PLEKHH2: variants seen among roughly 807,000 people sequenced by gnomAD.
The protein encoded by PLEKHH2 is pleckstrin homology domain-containing family H member 2.
A neutral mutation model predicts 187.9 loss-of-function variants in PLEKHH2; 129 were observed. That is an observed-to-expected ratio of 0.69 (90% CI 0.59 to 0.79). The LOEUF is 0.79. Ranked by LOEUF, PLEKHH2 falls within the 30% of genes least tolerant of loss-of-function variation. The pLI, the probability that PLEKHH2 is intolerant of heterozygous loss-of-function variation, is 0.00. For missense variants in PLEKHH2, 2,076 were observed against 1,751.2 expected (o/e 1.19, Z -3.31); for synonymous variants, 686 against 605.6 (o/e 1.13, Z -1.95).
intron 25 of PLEKHH2, among the ~76,000 whole-genome samples, chr2:43,755,993 G>C (rs1403996662): frequency 6.6e-6 from 1 of 152,158 alleles, no homozygotes; most frequent in East Asian, 1.9e-4. Context: ...ATCTAGCTCT[G>C]TCATTCCTTT....
chr2:43,710,975 A>G (rs1669936515), intron 14 of PLEKHH2: 1 of 1,003,426 alleles, frequency 1.0e-6, no homozygotes, highest in Non-Finnish European at 1.2e-6. Context: ...TGAAAATGAC[A>G]GTTCTTATAT....
In PLEKHH2 at chr2:43,764,074, T is replaced by C. The variant is rs538190368; in HGVS notation, c.4159-154T>C. ...AAAATTAGTACCACTACTATCTATT[T>C]TGGATCATAATACATTTTATTTTAG... On this transcript the variant is annotated intron_variant, in intron 28 of 29. Transcript: ENST00000282406. 2.2e-3 allele frequency among the ~76,000 whole-genome samples: 334 copies of C among 152,326 alleles called. 2 individuals are homozygous for C. Among genetic ancestry groups the C allele is most frequent in the Non-Finnish European group, 2.5e-3 (172 of 68,034 alleles).
At chr2:43,689,513 T>A (rs1323036096) in intron 3 of PLEKHH2, among the ~76,000 whole-genome samples, 2 of 152,214 alleles carry the variant, frequency 1.3e-5, no homozygotes, top group African/African-American at 4.8e-5. Context: ...TCCATATGGT[T>A]GTGGTGAGAT....
intron 11 of PLEKHH2, among the ~76,000 whole-genome samples, chr2:43,708,306 C>T (rs1572595978): frequency 6.6e-6 from 1 of 152,212 alleles, no homozygotes; most frequent in Admixed American, 6.5e-5. Flanking sequence ...GATTCGGTCA[C>T]GTACTTGACC....
intron 3 of PLEKHH2, among the ~76,000 whole-genome samples, chr2:43,680,271 G>A (rs1668101094): frequency 6.6e-6 from 1 of 152,140 alleles, no homozygotes; most frequent in Non-Finnish European, 1.5e-5. Flanking sequence ...CTAGAAGAGA[G>A]GATTTTGAAT....
chr2:43,696,985 A>G (rs778788330), intron 6 of PLEKHH2, among the ~76,000 whole-genome samples, 186 bp from the exon 7 acceptor site: 2 of 152,342 alleles, frequency 1.3e-5, no homozygotes, highest in African/African-American at 4.8e-5. Flanking sequence ...GTAAAACAGA[A>G]TTTAAACATT....
In PLEKHH2 at chr2:43,720,712, G is replaced by T; in HGVS notation, c.2504G>T (p.Gly835Val). ...YSKRVWCTLIGKTLYYFRSQE... is the reference protein window; with the variant it reads ...YSKRVWCTLIVKTLYYFRSQE... The stretch of plus-strand genomic sequence containing the variant: ...AAGAGAGTCTGGTGTACACTAATAG[G>T]AAAGACATTATATTATTTTCGGAGT... The change falls in exon 16 of 30, where the codon GGA becomes GTA. Residue 835 changes from glycine to valine, a missense_variant. Gly to Val is a moderately radical substitution (Grantham distance 109). Transcript: ENST00000282406. 6.2e-7 allele frequency: 1 copy of T among 1,608,740 alleles called. No homozygotes were observed. Among genetic ancestry groups the T allele is most frequent in the Non-Finnish European group, 8.5e-7 (1 of 1,178,468 alleles).
At chr2:43,692,335 C>G (rs1668840179) in intron 3 of PLEKHH2, 179 bp from the exon 4 acceptor site, 1 of 478,684 alleles carries the variant, frequency 2.1e-6, no homozygotes, top group Non-Finnish European at 3.7e-6. Flanking sequence ...CAAGGTAACA[C>G]CACTTGGTGA....
intron 2 of PLEKHH2, among the ~76,000 whole-genome samples, chr2:43,669,714 T>G (rs1299154617): frequency 1.3e-5 from 2 of 152,150 alleles, no homozygotes; most frequent in Admixed American, 6.5e-5. Flanking sequence ...AAGAAACTTT[T>G]TTTTTTTTTG....
chr2:43,764,956 T>C (rs1323862824), intron 29 of PLEKHH2, among the ~76,000 whole-genome samples: 2 of 152,260 alleles, frequency 1.3e-5, no homozygotes, highest in Non-Finnish European at 2.9e-5. Flanking sequence ...AATTACTTCT[T>C]CGGAATCTGA....
Position 43,759,043 on chromosome 2 carries a change from G to T in PLEKHH2, c.4071+14G>T. 1 of 1,606,796 alleles carries T rather than the reference G, an allele frequency of 6.2e-7. No homozygotes were observed. Among genetic ancestry groups the T allele is most frequent in the East Asian group, 2.2e-5 (1 of 44,622 alleles). ...TTTCTTGCAAAAGTAAGAAAGAATG[G>T]GAGAGAGATGCATAATGAAAACCTT... On this transcript the variant is annotated intron_variant, in intron 27 of 29. Coordinates refer to ENST00000282406, the MANE Select transcript of PLEKHH2 (RefSeq NM_172069.4).
Position 43,704,090 on chromosome 2 carries a change from C to T in PLEKHH2, c.1726+34C>T, listed in dbSNP as rs368199630. 366 of 1,430,718 alleles carry T rather than the reference C, an allele frequency of 2.6e-4. 3 individuals carry two copies. In the South Asian group the frequency reaches 3.5e-3, roughly 14 times the overall value. 88.6% of individuals were successfully genotyped at this position (1,430,718 alleles called of 1,614,324 possible). On this transcript the variant is annotated intron_variant, in intron 9 of 29. Coordinates refer to ENST00000282406, the MANE Select transcript of PLEKHH2 (RefSeq NM_172069.4). ...TTTTTCATGCTGCCACCTGGATGAA[C>T]CTTGAGGACTTTGTGCTAAGGGATA...
chr2:43,695,127 C>T lies in PLEKHH2; in HGVS notation c.421-16C>T. Reference sequence around the variant, plus strand: ...TATTATCTCTATATGAAAAGAATACCATTATGTTCTCTTAGCTGGAATTGG... The same window carrying T: ...TATTATCTCTATATGAAAAGAATACTATTATGTTCTCTTAGCTGGAATTGG... On this transcript the variant is annotated splice_polypyrimidine_tract_variant and intron_variant, in intron 5 of 29. Transcript: ENST00000282406. 6 of 1,460,958 alleles carry T rather than the reference C, an allele frequency of 4.1e-6. No individual in the cohort carries two copies. The highest frequency in any genetic ancestry group is 5.7e-6 in the Non-Finnish European group (6 of 1,059,972). 90.5% of individuals were successfully genotyped at this position (1,460,958 alleles called of 1,614,324 possible). A position where few individuals can be genotyped will look rare whatever the true frequency, so the allele number is the denominator to read the frequency against.
chr2:43,764,299 C>T lies in PLEKHH2; in HGVS notation c.4230C>T (p.Val1410=), dbSNP rs532000846. ...FGGYQDDFMV[V]INNTHSKDKP... The stretch of plus-strand genomic sequence containing the variant: ...GCTATCAAGATGATTTTATGGTAGT[C>T]ATTAACAATACACATTCAAAGGACA... Residue 1410 remains valine (V), a synonymous_variant, in exon 29 of 30, where the codon GTC becomes GTT. Coordinates refer to ENST00000282406, the MANE Select transcript of PLEKHH2 (RefSeq NM_172069.4). 3.1e-6 allele frequency: 5 copies of T among 1,604,788 alleles called. No homozygotes were observed. The East Asian group carries it at 9.0e-5, about 29-fold the overall frequency.
In PLEKHH2 at chr2:43,700,272, C is replaced by A; in HGVS notation, c.1314C>A (p.Pro438=). 1 of 1,614,074 alleles carries A rather than the reference C, an allele frequency of 6.2e-7. No individual in the cohort carries two copies. The highest frequency in any genetic ancestry group is 8.5e-7 in the Non-Finnish European group (1 of 1,180,000). ...TAGTGCCTTCATCACACCTGCCACC[C>A]CCAAAGTTAAGGATTCCTAATGTTT... ...TQLVPSSHLP[P]PKLRIPNVFS... is the part of the protein sequence containing the mutation. Residue 438 remains proline (P), a synonymous_variant, in exon 8 of 30, where the codon CCC becomes CCA. Coordinates refer to ENST00000282406, the MANE Select transcript of PLEKHH2 (RefSeq NM_172069.4).
At position 43,703,998 on chromosome 2, in the gene PLEKHH2, T is replaced by C. The variant is rs1669523069; in HGVS notation, c.1668T>C (p.Ala556=). Residue 556 remains alanine (A), a synonymous_variant, in exon 9 of 30, where the codon GCT becomes GCC. Coordinates refer to ENST00000282406, the MANE Select transcript of PLEKHH2 (RefSeq NM_172069.4). The stretch of plus-strand genomic sequence containing the variant: ...TACCCTAGGAAAGCAGAATTTATGC[T>C]GTAGCCAAATCAGGTATTCGAATGT... ...RFPSWESRIY[A]VAKSGIRMSE... 1.3e-6 allele frequency: 2 copies of C among 1,593,180 alleles called. No individual in the cohort carries two copies. Among genetic ancestry groups the C allele is most frequent in the African/African-American group, 1.4e-5 (1 of 73,202 alleles).
chr2:43,667,132 T>C (rs11883504), intron 2 of PLEKHH2, among the ~76,000 whole-genome samples: 7,842 of 152,238 alleles, frequency 0.052, 334 homozygotes, highest in African/African-American at 0.12. Flanking sequence ...AAAAGGAACA[T>C]GGTTTTTGTA....
chr2:43,726,896 CA>C (rs895686249), intron 17 of PLEKHH2, among the ~76,000 whole-genome samples: 2 of 151,614 alleles, frequency 1.3e-5, no homozygotes, highest in Non-Finnish European at 2.9e-5. Flanking sequence ...ATATATCATT[CA>C]ATACATATGA....
chr2:43,726,169 A>T (rs1256719705), intron 16 of PLEKHH2, 103 bp from the exon 17 acceptor site: 2 of 789,624 alleles, frequency 2.5e-6, no homozygotes, highest in Non-Finnish European at 3.8e-6. Flanking sequence ...TAAAATTTTT[A>T]AAGGTATGCT....
Sources: gnomAD v4.1 joint callset for allele counts (sites outside exome capture counted in the v4.1 genomes callset) on GRCh38, gnomAD v4.1.1 for gene constraint, MANE v1.5 for transcripts, NCBI Gene and HGNC (gene_info 2026-07-23, HGNC 2026-07-21) for gene names.